CLEC2A: variants seen among roughly 807,000 people sequenced by gnomAD.
CLEC2A encodes the protein C-type lectin domain family 2 member A.
CLEC2A carries 19 observed loss-of-function variants against 18.6 expected under a neutral mutation model. The observed-to-expected ratio is 1.02, with a 90% CI of 0.71 to 1.50. The LOEUF (loss-of-function observed/expected upper bound fraction) is 1.50. Ranked by LOEUF, CLEC2A falls within the 40% of genes most tolerant of loss-of-function variation. CLEC2A has a pLI of 0.00. For synonymous variants in CLEC2A, 74 were observed against 64.0 expected, an observed-to-expected ratio of 1.16 and a Z score of -0.75; for missense variants, 190 against 207.9, an observed-to-expected ratio of 0.91 and a Z score of 0.53.
chr12:9,898,160 C>G (rs370091125), downstream of CLEC2A, among the ~76,000 whole-genome samples: 6 of 152,150 alleles, frequency 3.9e-5, no homozygotes, highest in East Asian at 7.7e-4. Context: ...AAATGAAATT[C>G]TATATAAAGT....
the CLEC2A span, among the ~76,000 whole-genome samples, chr12:9,892,648 G>C: frequency 7.2e-6 from 1 of 138,082 alleles, no homozygotes; most frequent in African/African-American, 2.7e-5. Flanking sequence ...GTAATGGCTC[G>C]ATCACGGCTC....
intron 3 of CLEC2A, 24 bp downstream of exon 3, chr12:9,922,041 AC>A: frequency 6.7e-7 from 1 of 1,501,166 alleles, no homozygotes; most frequent in South Asian, 1.3e-5. Context: ...CTCTGAAATT[AC>A]TGAAGACTTT....
chr12:9,912,831 TCTCCCGGGCA>T (rs1263515114), downstream of CLEC2A, among the ~76,000 whole-genome samples: 1 of 152,080 alleles, frequency 6.6e-6, no homozygotes, highest in African/African-American at 2.4e-5. Context: ...GGTGGGAGTT[TCTCCCGGGCA>T]CTGCTTCCCA....
intron 3 of CLEC2A, among the ~76,000 whole-genome samples, chr12:9,918,164 A>T (rs1241568218): frequency 2.0e-5 from 3 of 151,886 alleles, no homozygotes; most frequent in African/African-American, 7.3e-5. Context: ...CTTTGTCATG[A>T]AATTTGCCTG....
the CLEC2A span, among the ~76,000 whole-genome samples, chr12:9,889,317 C>T: frequency 4.6e-5 from 7 of 152,154 alleles, no homozygotes; most frequent in Non-Finnish European, 8.8e-5. Context: ...GGCCACCATA[C>T]CTAGGCAGTT....
At chr12:9,924,320 A>C (rs1863228236) in intron 2 of CLEC2A, among the ~76,000 whole-genome samples, 2 of 152,120 alleles carry the variant, frequency 1.3e-5, no homozygotes, top group Admixed American at 6.6e-5. Context: ...CTTACTGTAG[A>C]AACTCTTGTC....
At chr12:9,887,880 C>T in the CLEC2A span, among the ~76,000 whole-genome samples, 1 of 150,502 alleles carries the variant, frequency 6.6e-6, no homozygotes, top group Non-Finnish European at 1.5e-5. Context: ...GGTGAAACCC[C>T]GTCCCTAATA....
At chr12:9,904,029 CACAATACT>C (rs1862872031) in intron 4 of CLEC2A, among the ~76,000 whole-genome samples, 1 of 152,210 alleles carries the variant, frequency 6.6e-6, no homozygotes, top group Non-Finnish European at 1.5e-5. Flanking sequence ...AATGGTCCGT[CACAATACT>C]ACCATACATC....
At chr12:9,880,494 C>G in the CLEC2A span, among the ~76,000 whole-genome samples, 1 of 151,602 alleles carries the variant, frequency 6.6e-6, no homozygotes, top group African/African-American at 2.4e-5. Context: ...ATTGAGTGGC[C>G]ACGTAGCAGA....
At chr12:9,898,837 T>C in exon 5 of CLEC2A, 1 of 694,950 alleles carries the variant, frequency 1.4e-6, no homozygotes, top group Non-Finnish European at 2.6e-6. Flanking sequence ...TGAAGACAGA[T>C]TTAACTGCTT....
intron 4 of CLEC2A, 79 bp from the exon 5 acceptor site, chr12:9,913,759 TAA>T: frequency 1.1e-6 from 1 of 909,704 alleles, no homozygotes; most frequent in Non-Finnish European, 1.6e-6. Context: ...AGAGTGATTT[TAA>T]ATATATTATA....
At chr12:9,887,069 C>G in the CLEC2A span, among the ~76,000 whole-genome samples, 2 of 151,826 alleles carry the variant, frequency 1.3e-5, no homozygotes, top group Admixed American at 1.3e-4. Flanking sequence ...CAAAAAATGC[C>G]TATTTATCCA....
intron 3 of CLEC2A, among the ~76,000 whole-genome samples, chr12:9,917,876 T>C (rs1863098412): frequency 1.3e-5 from 2 of 152,320 alleles, no homozygotes; most frequent in South Asian, 4.1e-4. Flanking sequence ...CTTTTTTTCA[T>C]GTTTGTTGGT....
chr12:9,916,446 T>C (rs1863072280), intron 4 of CLEC2A, among the ~76,000 whole-genome samples: 1 of 152,044 alleles, frequency 6.6e-6, no homozygotes, highest in Non-Finnish European at 1.5e-5. Flanking sequence ...AAGAGCTTGA[T>C]AATAAAGATA....
At chr12:9,917,859 T>C (rs1055543957) in intron 3 of CLEC2A, among the ~76,000 whole-genome samples, 4 of 152,228 alleles carry the variant, frequency 2.6e-5, no homozygotes, top group African/African-American at 9.6e-5. Context: ...TGATCAGTGA[T>C]GTTGAGCTTT....
At chr12:9,926,926 T>C (rs1591796677) in intron 1 of CLEC2A, among the ~76,000 whole-genome samples, 2 of 152,258 alleles carry the variant, frequency 1.3e-5, no homozygotes, top group African/African-American at 4.8e-5. Context: ...CTCGTGGAAA[T>C]GCTATGAGGT....
chr12:9,908,689 T>C (rs180767162), downstream of CLEC2A, among the ~76,000 whole-genome samples: 223 of 152,332 alleles, frequency 1.5e-3, no homozygotes, highest in Non-Finnish European at 1.9e-3. Context: ...ATGCGGGACA[T>C]TCCCTCTTAA....
the CLEC2A span, among the ~76,000 whole-genome samples, chr12:9,880,554 A>C: frequency 6.7e-6 from 1 of 149,130 alleles, no homozygotes; most frequent in African/African-American, 2.4e-5. Context: ...GTGCGTGTTA[A>C]GTGAAATATA....
chr12:9,881,141 C>T, the CLEC2A span, among the ~76,000 whole-genome samples: 2 of 152,102 alleles, frequency 1.3e-5, no homozygotes, highest in Admixed American at 6.5e-5. Context: ...CAAATATGTC[C>T]CAAATAACAA....
Sources: allele counts gnomAD v4.1 joint callset (sites outside exome capture counted in the v4.1 genomes callset), GRCh38; gene constraint gnomAD v4.1.1; transcripts MANE v1.5; gene names NCBI Gene and HGNC (gene_info 2026-07-23, HGNC 2026-07-21).